Variants in TLCD3B observed in about 807,000 individuals in gnomAD.
TLCD3B encodes the protein ceramide synthase.
TLCD3B carries 9 observed loss-of-function variants against 23.0 expected under a neutral mutation model. The observed-to-expected ratio is 0.39, with a 90% CI of 0.24 to 0.68. The LOEUF (loss-of-function observed/expected upper bound fraction) is 0.68. Among genes scored for constraint, TLCD3B ranks in the 30% least tolerant of loss-of-function variants. The pLI, the probability that TLCD3B is intolerant of heterozygous loss-of-function variation, is 0.44. For synonymous variants in TLCD3B, 161 were observed against 161.0 expected, an observed-to-expected ratio of 1.00 and a Z score of 0.00; for missense variants, 307 against 371.8, an observed-to-expected ratio of 0.83 and a Z score of 1.43.
chr16:30,034,682 G>T (rs1398934718), upstream of TLCD3B, among the ~76,000 whole-genome samples: 1 of 152,086 alleles, frequency 6.6e-6, no homozygotes, highest in East Asian at 1.9e-4. Context: ...AGCAGAGAAG[G>T]TGAGTCCTCC....
In TLCD3B at chr16:30,025,878, C is replaced by T; in HGVS notation, c.445-57G>A. On this transcript the variant is annotated intron_variant, in intron 3 of 4. Coordinates refer to ENST00000380495, the MANE Select transcript of TLCD3B (RefSeq NM_031478.6). This position sits in a 1 kb window ranked among gnomAD's most constrained non-coding sequence, Gnocchi z 4.1. ...GGGCTCTCCCTGGGTTCTTGGGCAG[C>T]CCCCGCCCTTCCTCTTTCCCCTCTG... is the stretch of plus-strand genomic sequence containing the variant. 3.7e-6 allele frequency: 5 copies of T among 1,364,938 alleles called. No individual in the cohort carries two copies. The highest frequency in any genetic ancestry group is 1.4e-5 in the African/African-American group (1 of 69,968). 84.6% of individuals were successfully genotyped at this position (1,364,938 alleles called of 1,614,324 possible). A position where few individuals can be genotyped will look rare whatever the true frequency, so the allele number is the denominator to read the frequency against.
At chr16:30,030,189 C>A in intron 1 of TLCD3B, 1 of 1,374,868 alleles carries the variant, frequency 7.3e-7, no homozygotes, top group Non-Finnish European at 1.0e-6. Flanking sequence ...GCGGGCTGAA[C>A]ACTAGTAGAC....
rs147128269 is a variant in TLCD3B at position 30,025,351 on chromosome 16, G to A, written c.657C>T (p.Ala219=). 2.4e-4 allele frequency: 381 copies of A among 1,593,120 alleles called. No individual in the cohort carries two copies. The highest frequency in any genetic ancestry group is 3.0e-4 in the Non-Finnish European group (351 of 1,169,464). ...GGGGCACGGCCAGCAGGGGCAGGCC[G>A]GCATGGCGCCCGTAGGCCCAGTACA... ...PYLYWAYGRH[A]GLPLLAVPLA... is the part of the protein sequence containing the mutation. The change falls in exon 5 of 5, where the codon GCC becomes GCT. Residue 219 remains alanine, a synonymous_variant. Transcript: ENST00000380495. This position sits in a 1 kb window ranked among gnomAD's most constrained non-coding sequence, Gnocchi z 4.1.
chr16:30,042,942 C>G (rs903270909), intron 2 of TLCD3B, among the ~76,000 whole-genome samples: 7 of 151,428 alleles, frequency 4.6e-5, no homozygotes, highest in African/African-American at 1.7e-4. Context: ...ACTAAAAATA[C>G]AAAAAAAATT....
chr16:30,042,539 T>C (rs1011683641), intron 2 of TLCD3B, among the ~76,000 whole-genome samples: 2 of 152,208 alleles, frequency 1.3e-5, no homozygotes, highest in African/African-American at 2.4e-5. Context: ...TCCGCCTTTA[T>C]ACACATCAAT....
intron 3 of TLCD3B, among the ~76,000 whole-genome samples, chr16:30,040,319 C>T (rs892392520): frequency 1.3e-5 from 2 of 151,912 alleles, no homozygotes; most frequent in African/African-American, 2.4e-5. Flanking sequence ...TACTGTCATT[C>T]TGAGCACCCA....
At chr16:30,026,392 C>G (rs1375532035) in intron 3 of TLCD3B, among the ~76,000 whole-genome samples, 1 of 152,160 alleles carries the variant, frequency 6.6e-6, no homozygotes, top group Non-Finnish European at 1.5e-5. Context: ...AGAGCCACAG[C>G]CGGGCATCGT....
chr16:30,030,528 G>T lies in TLCD3B; in HGVS notation c.-1C>A, dbSNP rs1443297789. 2 of 1,579,434 alleles carry T rather than the reference G, an allele frequency of 1.3e-6. No homozygotes were observed. The highest frequency in any genetic ancestry group is 2.7e-5 in the African/African-American group (2 of 73,386). ...CCCCGGCCACCATCGGGGTCAGCAT[G>T]GTGGCTCAGGACTTGGGCAGGGAGG... On this transcript the variant is annotated 5_prime_UTR_variant, in exon 1 of 5. Transcript: ENST00000380495.
intron 1 of TLCD3B, chr16:30,046,444 T>A (rs1275662211): frequency 1.3e-5 from 2 of 152,190 alleles, no homozygotes; most frequent in Non-Finnish European, 2.9e-5. Flanking sequence ...AAACAATAAG[T>A]GGCCAGAAGT....
upstream of TLCD3B, among the ~76,000 whole-genome samples, chr16:30,032,183 G>A (rs1379682077): frequency 3.3e-5 from 5 of 152,196 alleles, no homozygotes; most frequent in African/African-American, 1.2e-4. Flanking sequence ...GACTGGGCCC[G>A]GGTGGAGCTG....
At chr16:30,033,479 G>A (rs2071409267), upstream of TLCD3B, 1 of 152,076 alleles carries the variant, frequency 6.6e-6, no homozygotes. Flanking sequence ...TAAAATCTGT[G>A]TTCCGTGTAC....
At position 30,029,747 on chromosome 16, in the gene TLCD3B, T is replaced by A. The variant is rs1233032836; in HGVS notation, c.126-232A>T. 1.3e-5 allele frequency among the ~76,000 whole-genome samples: 2 copies of A among 152,140 alleles called. No individual in the cohort carries two copies. The highest frequency in any genetic ancestry group is 2.9e-5 in the Non-Finnish European group (2 of 68,000). On this transcript the variant is annotated intron_variant, in intron 1 of 4. Transcript: ENST00000380495. The surrounding 1 kb of genome is among the most constrained non-coding windows in gnomAD (Gnocchi z 4.6). ...TCAGTCCACCCCACTCCTTGCCACC[T>A]TCTTCCTTCCCCATTTGTGGAAACT...
intron 1 of TLCD3B, 55 bp downstream of exon 1, chr16:30,030,348 T>C: frequency 1.3e-6 from 2 of 1,486,514 alleles, no homozygotes; most frequent in Non-Finnish European, 1.8e-6. Context: ...GTCCCTTCCA[T>C]TCCCTGAGAA....
At position 30,041,388 on chromosome 16, in the gene TLCD3B, C is replaced by T. The variant is rs2071577877; in HGVS notation, c.-228-232G>A. 2.0e-5 allele frequency among the ~76,000 whole-genome samples: 3 copies of T among 151,822 alleles called. No individual in the cohort carries two copies. The South Asian group carries it at 6.3e-4, about 32-fold the overall frequency. Reference sequence around the variant, plus strand: ...CCTCCTGCGTAAATGATTCTCCTACCTCAGCCTCCCAAGTAGCTGGGATTA... The same window carrying T: ...CCTCCTGCGTAAATGATTCTCCTACTTCAGCCTCCCAAGTAGCTGGGATTA... On this transcript the variant is annotated intron_variant, in intron 2 of 6. Transcript: ENST00000561666.
Position 30,030,420 on chromosome 16 carries a change from T to C in TLCD3B, c.108A>G (p.Ala36=). 4 of 1,590,544 alleles carry C rather than the reference T, an allele frequency of 2.5e-6. No individual in the cohort carries two copies. Among genetic ancestry groups the C allele is most frequent in the South Asian group, 1.1e-5 (1 of 88,094 alleles). The change falls in exon 1 of 5, where the codon GCA becomes GCG. Residue 36 remains alanine (A), a synonymous_variant. Transcript: ENST00000380495. The part of the protein sequence containing the change: ...LPQLRWEEAD[A]VIVSARLVSS... ...TGGTTTACCTGGCTGAGACAATGAC[T>C]GCGTCGGCCTCCTCCCAGCGTAGCT...
At chr16:30,050,293 AT>A (rs775478844) in intron 1 of TLCD3B, among the ~76,000 whole-genome samples, 1 of 152,166 alleles carries the variant, frequency 6.6e-6, no homozygotes, top group Non-Finnish European at 1.5e-5. Flanking sequence ...AATCCCAGCA[AT>A]TCGAGAGGCT....
At chr16:30,028,611 G>T (rs1002975692) in intron 2 of TLCD3B, among the ~76,000 whole-genome samples, 2 of 152,128 alleles carry the variant, frequency 1.3e-5, no homozygotes, top group African/African-American at 4.8e-5. Context: ...AGGAAGGGCC[G>T]CTGCCTCACC....
Position 30,024,994 on chromosome 16 carries a change from AG to A in TLCD3B, c.*188del, listed in dbSNP as rs992170896. ...AGGGTGTGCAGGAAGGGGGCAGAGT[AG>A]GGGGAAGAGGTCCCCTCTCTCCACC... On this transcript the variant is annotated 3_prime_UTR_variant, in exon 5 of 5. Coordinates refer to ENST00000380495, the MANE Select transcript of TLCD3B (RefSeq NM_031478.6). The A allele has an allele frequency of 2.1e-5, 11 of 524,422 alleles. No homozygotes were observed. Among genetic ancestry groups the A allele is most frequent in the African/African-American group, 1.8e-4 (9 of 49,792 alleles). The allele number at this position is 524,422 out of a possible 1,614,324, so 32.5% of individuals were successfully genotyped here.
upstream of TLCD3B, chr16:30,035,217 G>A: frequency 9.7e-7 from 1 of 1,028,138 alleles, no homozygotes; most frequent in Non-Finnish European, 1.3e-6. Context: ...CAGCCTGCTG[G>A]TGTCTTTTGA....
Sources: gnomAD v4.1 joint callset for allele counts (sites outside exome capture counted in the v4.1 genomes callset) on GRCh38, gnomAD v4.1.1 for gene constraint, Gnocchi (gnomAD v3.1) non-coding constraint, MANE v1.5 for transcripts, NCBI Gene and HGNC (gene_info 2026-07-23, HGNC 2026-07-21) for gene names.